FGF14: variants seen among roughly 807,000 people sequenced by gnomAD.
The protein encoded by FGF14 is fibroblast growth factor homologous factor 4.
Under a neutral mutation model 25.5 loss-of-function variants are expected in FGF14, and 5 were observed. The observed-to-expected ratio is 0.20, with a 90% confidence interval of 0.10 to 0.41. The LOEUF (loss-of-function observed/expected upper bound fraction) is 0.41, where lower values mean the gene tolerates loss of function less well. Ranked by LOEUF, FGF14 falls within the 10% of genes least tolerant of loss-of-function variation. The probability of loss-of-function intolerance (pLI) is 1.00; values close to 1 mark genes in which losing one functional copy is unlikely to be tolerated. For missense variants in FGF14, 222 were observed against 320.1 expected (o/e 0.69, Z 2.34); for synonymous variants, 138 against 118.3 (o/e 1.17, Z -1.08).
intron 1 of FGF14, among the ~76,000 whole-genome samples, chr13:101,943,386 C>T (rs140251619): frequency 1.2e-4 from 19 of 152,248 alleles, no homozygotes; most frequent in Non-Finnish European, 2.8e-4. Context: ...GTGATTGCCA[C>T]CCCCAGGGGT....
chr13:102,390,595 C>A (rs2058409531), intron 1 of FGF14, among the ~76,000 whole-genome samples: 1 of 152,180 alleles, frequency 6.6e-6, no homozygotes. Context: ...TAGGTACTCT[C>A]CAGTAACTTC....
At chr13:101,947,855 G>C (rs1303664435) in intron 1 of FGF14, among the ~76,000 whole-genome samples, 1 of 151,998 alleles carries the variant, frequency 6.6e-6, no homozygotes, top group Admixed American at 6.5e-5. Flanking sequence ...AAAAATTGTT[G>C]TTTCCAAAAA....
rs937005778 is a variant in FGF14 at position 102,158,945 on chromosome 13, C to T, written c.208+242526G>A. ...CTTGAGGTCAGGAGTTCGAGACCAG[C>T]CTGACCAACATGGTGAAACACCGTC... On this transcript the variant is annotated intron_variant, in intron 1 of 4. Transcript: ENST00000376131. Among the ~76,000 whole-genome samples the T allele has an allele frequency of 4.6e-5, 7 of 151,652 alleles. No individual in the cohort carries two copies. In the South Asian group the frequency reaches 8.3e-4, roughly 18 times the overall value.
In FGF14 at chr13:101,714,720, A is replaced by C; in HGVS notation, c.*8111T>G. 6.7e-6 allele frequency: 4 copies of C among 598,266 alleles called. No individual in the cohort carries two copies. Among genetic ancestry groups the C allele is most frequent in the Non-Finnish European group, 1.2e-5 (4 of 334,096 alleles). The allele number at this position is 598,266 out of a possible 1,614,324, so 37.1% of individuals were successfully genotyped here. On this transcript the variant is annotated 3_prime_UTR_variant, in exon 5 of 5. Coordinates refer to ENST00000376143, the MANE Select transcript of FGF14 (RefSeq NM_004115.4). ...GGGAAAAAGCCCTCACAAAAGCCTC[A>C]CATTATTCCTAGGCATAGAAGAATA...
intron 3 of FGF14, among the ~76,000 whole-genome samples, chr13:101,812,127 G>C (rs2041544975): frequency 6.6e-6 from 1 of 152,138 alleles, no homozygotes; most frequent in South Asian, 2.1e-4. Context: ...TTAAAAAAGA[G>C]ATGAAAAGAT....
intron 1 of FGF14, among the ~76,000 whole-genome samples, chr13:101,889,689 A>C (rs760880647): frequency 3.7e-4 from 57 of 152,190 alleles, no homozygotes; most frequent in Non-Finnish European, 6.8e-4. Context: ...TTAACCCAGA[A>C]ACTTCTAACA....
At chr13:101,980,641 A>G (rs529955779) in intron 1 of FGF14, among the ~76,000 whole-genome samples, 5 of 152,198 alleles carry the variant, frequency 3.3e-5, no homozygotes, top group Non-Finnish European at 7.3e-5. Flanking sequence ...TACATTTGCT[A>G]CAGTGGATCA....
intron 1 of FGF14, among the ~76,000 whole-genome samples, chr13:101,882,416 A>T (rs1300773074): frequency 6.6e-6 from 1 of 152,212 alleles, no homozygotes; most frequent in African/African-American, 2.4e-5. Flanking sequence ...CCTTTCAGGG[A>T]AAGTTATATT....
intron 1 of FGF14, among the ~76,000 whole-genome samples, chr13:102,041,812 T>A (rs2041756644): frequency 1.3e-5 from 2 of 152,148 alleles, no homozygotes; most frequent in African/African-American, 4.8e-5. Context: ...GAGAACTACC[T>A]ATCTAGGTGA....
intron 3 of FGF14, among the ~76,000 whole-genome samples, chr13:101,739,232 TTAA>T (rs2036390648): frequency 6.6e-6 from 1 of 151,752 alleles, no homozygotes; most frequent in Non-Finnish European, 1.5e-5. Flanking sequence ...TATTCTTTAC[TTAA>T]TGATGTCTAA....
At chr13:101,724,591 T>TAA in intron 4 of FGF14, among the ~76,000 whole-genome samples, 2 of 75,178 alleles carry the variant, frequency 2.7e-5, no homozygotes, top group African/African-American at 9.5e-5. Flanking sequence ...TAAAGTATAA[T>TAA]AATAAAATAT....
At chr13:101,788,907 TATAG>T (rs1171341212) in intron 3 of FGF14, among the ~76,000 whole-genome samples, 125 of 32,334 alleles carry the variant, frequency 3.9e-3, no homozygotes, top group East Asian at 6.4e-3. Context: ...TATATATATA[TATAG>T]AGAGAGAGAG....
intron 1 of FGF14, among the ~76,000 whole-genome samples, chr13:102,399,308 C>T (rs1206920544): frequency 1.3e-5 from 2 of 152,192 alleles, no homozygotes; most frequent in East Asian, 3.8e-4. Flanking sequence ...TATGGAAGGA[C>T]TGACTTCAAG....
intron 1 of FGF14, among the ~76,000 whole-genome samples, chr13:101,932,107 G>C (rs759514554): frequency 2.0e-5 from 3 of 152,176 alleles, no homozygotes; most frequent in Non-Finnish European, 4.4e-5. Flanking sequence ...TTCATATGCT[G>C]ACCTGCAGCC....
chr13:101,746,182 C>A (rs1013090273), intron 3 of FGF14, among the ~76,000 whole-genome samples: 4 of 151,988 alleles, frequency 2.6e-5, no homozygotes, highest in African/African-American at 9.7e-5. Flanking sequence ...TATTTGGAAC[C>A]TTAATGAGTT....
At chr13:102,295,421 G>GA (rs1226224554) in intron 1 of FGF14, among the ~76,000 whole-genome samples, 4 of 152,138 alleles carry the variant, frequency 2.6e-5, no homozygotes, top group African/African-American at 9.7e-5. Flanking sequence ...CCCCTTAGCA[G>GA]CCTTAAGTTT....
At chr13:101,984,128 T>G (rs2038426830) in intron 1 of FGF14, among the ~76,000 whole-genome samples, 1 of 152,186 alleles carries the variant, frequency 6.6e-6, no homozygotes. Flanking sequence ...AACAAGATGA[T>G]GTAGGTAAAG....
At chr13:101,775,855 T>C (rs76060976) in intron 3 of FGF14, among the ~76,000 whole-genome samples, 3,538 of 152,274 alleles carry the variant, frequency 0.023, 91 homozygotes, top group East Asian at 0.06. Context: ...TTCATTGCTA[T>C]CAATTACGCA....
chr13:101,754,311 C>A (rs928872323), intron 3 of FGF14, among the ~76,000 whole-genome samples: 1 of 152,200 alleles, frequency 6.6e-6, no homozygotes, highest in South Asian at 2.1e-4. Flanking sequence ...GAAAAGCCAG[C>A]TTCTTCTTTG....
Sources: gnomAD v4.1 joint callset for allele counts (sites outside exome capture counted in the v4.1 genomes callset) on GRCh38, gnomAD v4.1.1 for gene constraint, MANE v1.5 for transcripts, NCBI Gene and HGNC (gene_info 2026-07-23, HGNC 2026-07-21) for gene names.